PDE3A: variants seen among roughly 807,000 people sequenced by gnomAD.
The protein encoded by PDE3A is phosphodiesterase 3A, also known as cGMP-inhibited 3',5'-cyclic phosphodiesterase 3A.
A neutral mutation model predicts 98.3 loss-of-function variants in PDE3A; 43 were observed. That is an observed-to-expected ratio of 0.44 (90% CI 0.34 to 0.56). The LOEUF (loss-of-function observed/expected upper bound fraction) is 0.56. PDE3A is among the 20% of genes least tolerant of loss of function. PDE3A has a pLI of 0.01. For missense variants in PDE3A, 1,427 were observed against 1,440.7 expected, an observed-to-expected ratio of 0.99 and a Z score of 0.15; for synonymous variants, 663 against 567.9, an observed-to-expected ratio of 1.17 and a Z score of -2.38.
intron 1 of PDE3A, among the ~76,000 whole-genome samples, chr12:20,536,659 A>G (rs1325656887): frequency 6.6e-6 from 1 of 152,048 alleles, no homozygotes; most frequent in African/African-American, 2.4e-5. Context: ...TGTAATTACC[A>G]TCTTTCACTT....
intron 1 of PDE3A, among the ~76,000 whole-genome samples, chr12:20,478,830 A>C (rs1436989862): frequency 1.3e-5 from 2 of 152,196 alleles, no homozygotes; most frequent in East Asian, 3.8e-4. Flanking sequence ...CTTTGACTAT[A>C]AATCTCAAAT....
At position 20,431,075 on chromosome 12, in the gene PDE3A, T is replaced by C. The variant is rs1349265508; in HGVS notation, c.960+60831T>C. ...GAGAGAGTATTTCCCTCAGTTTGTCTCATTTGTGGGAAGAAATATTATCTG... is the reference window on the plus strand; with the variant it reads ...GAGAGAGTATTTCCCTCAGTTTGTCCCATTTGTGGGAAGAAATATTATCTG... On this transcript the variant is annotated intron_variant, in intron 1 of 15. Coordinates refer to ENST00000359062, the MANE Select transcript of PDE3A (RefSeq NM_000921.5). Among the ~76,000 whole-genome samples the C allele has an allele frequency of 5.9e-5, 9 of 152,258 alleles. No individual in the cohort carries two copies. In the East Asian group the frequency reaches 1.5e-3, roughly 26 times the overall value.
intron 15 of PDE3A, among the ~76,000 whole-genome samples, chr12:20,677,442 T>C (rs1945669565): frequency 7.1e-6 from 1 of 140,966 alleles, no homozygotes; most frequent in Non-Finnish European, 1.6e-5. Context: ...GTGTAGCAGT[T>C]GCTTGTTCTA....
At chr12:20,467,805 C>A (rs1382090833) in intron 1 of PDE3A, among the ~76,000 whole-genome samples, 2 of 151,252 alleles carry the variant, frequency 1.3e-5, no homozygotes, top group African/African-American at 2.4e-5. Context: ...CATGGTGGCA[C>A]GCGCCTATAA....
chr12:20,662,322 A>T (rs902666711), intron 15 of PDE3A, among the ~76,000 whole-genome samples: 1 of 152,106 alleles, frequency 6.6e-6, no homozygotes, highest in African/African-American at 2.4e-5. Flanking sequence ...GTGGTCTCAG[A>T]TAAAGATGAG....
intron 14 of PDE3A, among the ~76,000 whole-genome samples, chr12:20,651,967 G>A (rs1165143659): frequency 7.4e-6 from 1 of 135,078 alleles, no homozygotes; most frequent in South Asian, 2.2e-4. Flanking sequence ...CCCTTCCTCT[G>A]TCCATGTGTT....
intron 1 of PDE3A, among the ~76,000 whole-genome samples, chr12:20,521,611 T>C (rs921056518): frequency 4.6e-5 from 7 of 152,212 alleles, no homozygotes; most frequent in African/African-American, 1.7e-4. Context: ...TTATTTAGAA[T>C]CAAATGCTCA....
intron 15 of PDE3A, among the ~76,000 whole-genome samples, chr12:20,664,958 T>A (rs1481162455): frequency 6.6e-6 from 1 of 152,080 alleles, no homozygotes; most frequent in Non-Finnish European, 1.5e-5. Flanking sequence ...CCCTCTTAAT[T>A]CCCTACCTCT....
intron 1 of PDE3A, among the ~76,000 whole-genome samples, chr12:20,465,914 T>C (rs913730810): frequency 6.6e-6 from 1 of 152,148 alleles, no homozygotes; most frequent in African/African-American, 2.4e-5. Flanking sequence ...CCAAAAAATA[T>C]TACTCATCTT....
chr12:20,532,224 A>G (rs1941618494), intron 1 of PDE3A, among the ~76,000 whole-genome samples: 1 of 152,206 alleles, frequency 6.6e-6, no homozygotes, highest in South Asian at 2.1e-4. Context: ...AAAAAAAGGC[A>G]CACTGACAAA....
At chr12:20,392,035 A>G (rs1943925782) in intron 1 of PDE3A, among the ~76,000 whole-genome samples, 1 of 151,968 alleles carries the variant, frequency 6.6e-6, no homozygotes, top group African/African-American at 2.4e-5. Context: ...AGTCTAGTTA[A>G]TGAGACCCTT....
chr12:20,458,033 AT>A (rs1249825004), intron 1 of PDE3A, among the ~76,000 whole-genome samples: 1 of 151,884 alleles, frequency 6.6e-6, no homozygotes, highest in South Asian at 2.1e-4. Context: ...ATATTTCTAG[AT>A]TTTTTCTTCT....
chr12:20,456,053 T>G (rs1016204149), intron 1 of PDE3A, among the ~76,000 whole-genome samples: 3 of 152,240 alleles, frequency 2.0e-5, no homozygotes, highest in Non-Finnish European at 4.4e-5. Flanking sequence ...TGACTAAAAA[T>G]GAACTGTCCA....
At chr12:20,540,798 T>C (rs1646409777) in intron 1 of PDE3A, among the ~76,000 whole-genome samples, 2 of 152,234 alleles carry the variant, frequency 1.3e-5, no homozygotes, top group Admixed American at 1.3e-4. Flanking sequence ...ATGGTGATAA[T>C]GTGCAGATAT....
chr12:20,594,533 T>C, intron 2 of PDE3A, among the ~76,000 whole-genome samples: 1 of 132,318 alleles, frequency 7.6e-6, no homozygotes. Flanking sequence ...AATTAGGGGC[T>C]TTTTTTTTTT....
rs1365159904 is a variant in PDE3A at position 20,552,066 on chromosome 12, G to A, written c.961-4594G>A. 22 of 1,610,380 alleles carry A rather than the reference G, an allele frequency of 1.4e-5. No homozygotes were observed. The highest frequency in any genetic ancestry group is 1.3e-4 in the Admixed American group (8 of 59,910). On this transcript the variant is annotated intron_variant, in intron 1 of 15. Coordinates refer to ENST00000359062, the MANE Select transcript of PDE3A (RefSeq NM_000921.5). This position sits in a 1 kb window ranked among gnomAD's most constrained non-coding sequence, Gnocchi z 5.1. ...ACCATGGGAATTTTTTCACATACAC[G>A]GGTAGTGGTGGTCGAGAGCTTTCCG...
In PDE3A at chr12:20,646,848, C is replaced by A. The variant is rs1308856382; in HGVS notation, c.2463C>A (p.Ile821=). ...AATACGGATGTCTGTCTGGGAATATCCCTGCCTTGGAGTTGATGGCGCTGT... is the reference window on the plus strand; with the variant it reads ...AATACGGATGTCTGTCTGGGAATATACCTGCCTTGGAGTTGATGGCGCTGT... The part of the protein sequence containing the change: ...DDKYGCLSGN[I]PALELMALYV... The change falls in exon 12 of 16, where the codon ATC becomes ATA. Residue 821 remains isoleucine, a synonymous_variant. Coordinates refer to ENST00000359062, the MANE Select transcript of PDE3A (RefSeq NM_000921.5). The A allele has an allele frequency of 1.2e-6, 2 of 1,612,680 alleles. No individual in the cohort carries two copies. Among genetic ancestry groups the A allele is most frequent in the East Asian group, 2.2e-5 (1 of 44,860 alleles).
intron 1 of PDE3A, among the ~76,000 whole-genome samples, chr12:20,433,333 A>C (rs1055430985): frequency 1.3e-5 from 2 of 152,142 alleles, no homozygotes; most frequent in African/African-American, 4.8e-5. Context: ...GTGTTCCTGA[A>C]ATGAAACAAG....
rs967563405 is a variant in PDE3A, at chr12:20,683,190, G to T, written c.*2919G>T. On this transcript the variant is annotated 3_prime_UTR_variant, in exon 16 of 16. Coordinates refer to ENST00000359062, the MANE Select transcript of PDE3A (RefSeq NM_000921.5). Reference sequence around the variant, plus strand: ...AGTTTGTGACTTTCATACACACCCAGTACATCTCAAAGGATGCTAAGGGAC... The same window carrying T: ...AGTTTGTGACTTTCATACACACCCATTACATCTCAAAGGATGCTAAGGGAC... The T allele has an allele frequency of 2.6e-5, 4 of 152,182 alleles. No homozygotes were observed. Among genetic ancestry groups the T allele is most frequent in the African/African-American group, 9.7e-5 (4 of 41,438 alleles). The allele number at this position is 152,182 out of a possible 1,614,324, so 9.4% of individuals were successfully genotyped here. A position where few individuals can be genotyped will look rare whatever the true frequency, so the allele number is the denominator to read the frequency against.
Sources: gnomAD v4.1 joint callset for allele counts (sites outside exome capture counted in the v4.1 genomes callset) on GRCh38, gnomAD v4.1.1 for gene constraint, Gnocchi (gnomAD v3.1) non-coding constraint, MANE v1.5 for transcripts, NCBI Gene and HGNC (gene_info 2026-07-23, HGNC 2026-07-21) for gene names.